ECE1: variants seen among roughly 807,000 people sequenced by gnomAD.
ECE1 encodes the protein endothelin converting enzyme 1, also known as endothelin-converting enzyme 1.
In ECE1, 35 loss-of-function variants were observed where a neutral mutation model predicts 98.6. That is an observed-to-expected ratio of 0.35 (90% CI 0.27 to 0.47). The LOEUF is 0.47. Among genes scored for constraint, ECE1 ranks in the 20% least tolerant of loss-of-function variants. ECE1 has a pLI of 1.00. For synonymous variants in ECE1, 394 were observed against 407.1 expected (o/e 0.97, Z 0.39); for missense variants, 814 against 1,025.3 (o/e 0.79, Z 2.81).
intron 2 of ECE1, among the ~76,000 whole-genome samples, chr1:21,283,041 A>G (rs2098256711): frequency 6.8e-6 from 1 of 147,798 alleles, no homozygotes; most frequent in Non-Finnish European, 1.5e-5. Context: ...TCCCGGGTTC[A>G]AGAGATTCTC....
rs771179099 is a variant in ECE1, at chr1:21,225,238, C to T, written c.2040+12G>A. 1.9e-5 allele frequency: 30 copies of T among 1,613,504 alleles called. No homozygotes were observed. Among genetic ancestry groups the T allele is most frequent in the African/African-American group, 8.0e-5 (6 of 74,938 alleles). ...ACTGGGACCGTGCGCGTGTGGGGAG[C>T]GGGGCTCTCACCCGATAGGCCGCCT... On this transcript the variant is annotated intron_variant, in intron 17 of 18. Transcript: ENST00000374893. The surrounding 1 kb of genome is among the most constrained non-coding windows in gnomAD (Gnocchi z 5.3).
rs745306495 is a variant in ECE1, at chr1:21,319,134, T to C, written c.3+26242A>G. On this transcript the variant is annotated intron_variant, in intron 1 of 18. Coordinates refer to the ECE1 transcript ENST00000415912. This position sits in a 1 kb window ranked among gnomAD's most constrained non-coding sequence, Gnocchi z 4.4. ...CCAAGGTGGGTGGATTGCCTGAGCT[T>C]AGGAGTTCGAGACCAGCTTGGGCAA... 1.3e-5 allele frequency among the ~76,000 whole-genome samples: 2 copies of C among 152,042 alleles called. No individual in the cohort carries two copies. Among genetic ancestry groups the C allele is most frequent in the African/African-American group, 2.4e-5 (1 of 41,398 alleles).
intron 9 of ECE1, among the ~76,000 whole-genome samples, chr1:21,245,731 C>T (rs572028918): frequency 3.9e-5 from 6 of 152,166 alleles, no homozygotes; most frequent in East Asian, 1.9e-4. Context: ...TATTTGTACA[C>T]GACGGAGTAC....
chr1:21,239,178 A>G (rs1366750556), intron 10 of ECE1, among the ~76,000 whole-genome samples: 1 of 152,082 alleles, frequency 6.6e-6, no homozygotes, highest in Non-Finnish European at 1.5e-5. Context: ...TCTTGCCTAC[A>G]AGCCCCAACA....
intron 2 of ECE1, 91 bp downstream of exon 2, chr1:21,289,979 G>A (rs1217610916): frequency 1.0e-5 from 13 of 1,253,704 alleles, no homozygotes; most frequent in South Asian, 2.5e-5. Context: ...GGGAAGAGGC[G>A]GGGTAGGTAG....
chr1:21,284,012 A>T (rs1454325031), intron 2 of ECE1, among the ~76,000 whole-genome samples: 1 of 152,226 alleles, frequency 6.6e-6, no homozygotes, highest in East Asian at 1.9e-4. Context: ...GGCCAGGATC[A>T]GGAGGCCTCT....
intron 1 of ECE1, among the ~76,000 whole-genome samples, chr1:21,324,729 T>C (rs758444253): frequency 6.6e-6 from 1 of 152,234 alleles, no homozygotes. Flanking sequence ...GAGATGGCTC[T>C]GGGCCCCAGG....
chr1:21,269,955 C>T (rs188531631), intron 4 of ECE1, among the ~76,000 whole-genome samples: 161 of 152,292 alleles, frequency 1.1e-3, no homozygotes, highest in South Asian at 2.7e-3. Context: ...TCCCCACCCA[C>T]GGCTTGATTG....
chr1:21,330,701 T>C (rs1376035535), intron 1 of ECE1, among the ~76,000 whole-genome samples: 1 of 152,204 alleles, frequency 6.6e-6, no homozygotes, highest in Non-Finnish European at 1.5e-5. Context: ...GTTTCCTTTC[T>C]CTCCCCATTA....
intron 8 of ECE1, among the ~76,000 whole-genome samples, chr1:21,248,195 G>A (rs1363951478): frequency 6.6e-6 from 1 of 151,432 alleles, no homozygotes; most frequent in Admixed American, 6.6e-5. Context: ...TTTTGAGACG[G>A]AGTCTCACTC....
chr1:21,263,154 G>A (rs2098229262), intron 4 of ECE1, among the ~76,000 whole-genome samples: 2 of 152,116 alleles, frequency 1.3e-5, no homozygotes, highest in Admixed American at 1.3e-4. Flanking sequence ...AGCAGGGGCT[G>A]TGCCTGGGCT....
At chr1:21,290,517 G>A (rs1255275206), upstream of ECE1, 41 of 1,205,288 alleles carry the variant, frequency 3.4e-5, no homozygotes, top group Non-Finnish European at 3.9e-5. This position sits in a 1 kb window ranked among gnomAD's most constrained non-coding sequence, Gnocchi z 7.3. Context: ...TCGGTTCGCC[G>A]GCGCCCGGTT....
At chr1:21,326,782 G>A (rs1156821020) in intron 1 of ECE1, among the ~76,000 whole-genome samples, 1 of 152,204 alleles carries the variant, frequency 6.6e-6, no homozygotes, top group Non-Finnish European at 1.5e-5. Context: ...GCAGCCTGCA[G>A]TTACGGAGCC....
intron 1 of ECE1, among the ~76,000 whole-genome samples, chr1:21,334,226 T>G (rs1236125483): frequency 6.6e-6 from 1 of 152,214 alleles, no homozygotes; most frequent in African/African-American, 2.4e-5. Flanking sequence ...TGGTCTGCCC[T>G]ATGAGGAAGT....
chr1:21,292,683 G>A (rs562247360), upstream of ECE1, among the ~76,000 whole-genome samples: 8 of 152,186 alleles, frequency 5.3e-5, no homozygotes, highest in Admixed American at 2.0e-4. Flanking sequence ...CTCAACAAAC[G>A]GTTGTTAAAA....
intron 1 of ECE1, chr1:21,344,848 G>T (rs1204107397): frequency 6.5e-6 from 1 of 152,748 alleles, no homozygotes; most frequent in African/African-American, 2.4e-5. Flanking sequence ...GCCACAGCTG[G>T]ATCAGCAGTC....
intron 10 of ECE1, among the ~76,000 whole-genome samples, chr1:21,238,535 AAC>A (rs1394212245): frequency 2.6e-5 from 4 of 152,180 alleles, no homozygotes; most frequent in Non-Finnish European, 5.9e-5. Context: ...CTGATGGGGA[AAC>A]ACACTCGGCA....
chr1:21,321,709 G>A (rs111928910), intron 1 of ECE1, among the ~76,000 whole-genome samples: 7,964 of 152,180 alleles, frequency 0.052, 719 homozygotes, highest in African/African-American at 0.18. Flanking sequence ...TCTGCCTCCC[G>A]GGTTCAAGCG....
intron 4 of ECE1, among the ~76,000 whole-genome samples, chr1:21,261,278 T>C (rs940208402): frequency 5.3e-5 from 8 of 152,100 alleles, no homozygotes; most frequent in Admixed American, 3.9e-4. Flanking sequence ...CATGTTCATT[T>C]CTCTCTGGCC....
Sources: allele counts gnomAD v4.1 joint callset (sites outside exome capture counted in the v4.1 genomes callset), GRCh38; gene constraint gnomAD v4.1.1; non-coding constraint Gnocchi (gnomAD v3.1); transcripts MANE v1.5; gene names NCBI Gene and HGNC (gene_info 2026-07-23, HGNC 2026-07-21).